AQP11: variants seen among roughly 807,000 people sequenced by gnomAD.
AQP11 encodes the protein aquaporin 11, also known as aquaporin-11.
In AQP11, 20 loss-of-function variants were observed where a neutral mutation model predicts 21.1. The ratio of observed to expected loss-of-function variants is 0.95; its 90% CI spans 0.67 to 1.38. The LOEUF (loss-of-function observed/expected upper bound fraction) is 1.38, where lower values mean the gene tolerates loss of function less well. Among genes scored for constraint, AQP11 ranks in the 40% most tolerant of loss-of-function variants. AQP11 has a pLI of 0.00. For synonymous variants in AQP11, 167 were observed against 150.1 expected (o/e 1.11, Z -0.82); for missense variants, 339 against 340.4 (o/e 1.00, Z 0.03).
intron 1 of AQP11, among the ~76,000 whole-genome samples, chr11:77,593,570 G>A (rs1000966294): frequency 1.3e-5 from 2 of 152,080 alleles, no homozygotes; most frequent in Non-Finnish European, 2.9e-5. Context: ...CCGGGAGGCA[G>A]AGCTTGCAGT....
At chr11:77,604,723 G>A (rs1168128056) in intron 2 of AQP11, among the ~76,000 whole-genome samples, 1 of 151,996 alleles carries the variant, frequency 6.6e-6, no homozygotes, top group African/African-American at 2.4e-5. Flanking sequence ...TCACATTAAT[G>A]TTATTGTTAT....
At chr11:77,592,634 A>AT (rs1958755634) in intron 1 of AQP11, among the ~76,000 whole-genome samples, 1 of 152,194 alleles carries the variant, frequency 6.6e-6, no homozygotes, top group African/African-American at 2.4e-5. Flanking sequence ...GCCATTCCCT[A>AT]TTTTATCAGT....
In AQP11 at chr11:77,606,036, CAAAAAAAAAA is replaced by C. The variant is rs11326964; in HGVS notation, c.736+2382_736+2391del. On this transcript the variant is annotated intron_variant, in intron 2 of 2. Coordinates refer to ENST00000313578, the MANE Select transcript of AQP11 (RefSeq NM_173039.3). Reference sequence around the variant, plus strand: ...CTAGCCTGGGCGACAGAGCGAGTCTCAAAAAAAAAAAAAAAAAAAAAAAAAAAGCACAGTG... The same window carrying C: ...CTAGCCTGGGCGACAGAGCGAGTCTCAAAAAAAAAAAAAAAAAGCACAGTG... 7.5e-3 allele frequency among the ~76,000 whole-genome samples: 481 copies of C among 64,028 alleles called. 11 individuals are homozygous for C. Among genetic ancestry groups the C allele is most frequent in the Admixed American group, 0.046 (268 of 5,868 alleles). The allele number at this position is 64,028 out of a possible 152,430, so 42.0% of individuals were successfully genotyped here. A position where few individuals can be genotyped will look rare whatever the true frequency, so the allele number is the denominator to read the frequency against.
chr11:77,608,792 A>G (rs1455200600), intron 2 of AQP11, among the ~76,000 whole-genome samples: 1 of 152,254 alleles, frequency 6.6e-6, no homozygotes, highest in Non-Finnish European at 1.5e-5. Context: ...TAATGAAAAA[A>G]GAGAGACTGG....
At chr11:77,604,250 G>C (rs1465596266) in intron 2 of AQP11, among the ~76,000 whole-genome samples, 43 of 152,158 alleles carry the variant, frequency 2.8e-4, no homozygotes, top group Non-Finnish European at 1.5e-5. Flanking sequence ...TGAGTAGCTG[G>C]GATGACAGGC....
chr11:77,590,915 G>A, intron 1 of AQP11: 1 of 985,424 alleles, frequency 1.0e-6, no homozygotes, highest in Non-Finnish European at 1.2e-6. Context: ...AGAAAGGAAA[G>A]ATAACTTATT....
chr11:77,592,818 A>T (rs777048366), intron 1 of AQP11, among the ~76,000 whole-genome samples: 8 of 149,608 alleles, frequency 5.3e-5, no homozygotes, highest in Non-Finnish European at 1.2e-4. Context: ...TATAAAGGGA[A>T]CACTAGAGCA....
intron 2 of AQP11, among the ~76,000 whole-genome samples, chr11:77,604,470 G>C (rs1958832868): frequency 6.6e-6 from 1 of 152,160 alleles, no homozygotes; most frequent in Non-Finnish European, 1.5e-5. Context: ...AGCATTTATT[G>C]ATTTTGTTTA....
At chr11:77,597,346 C>T (rs535956430) in intron 1 of AQP11, among the ~76,000 whole-genome samples, 27 of 152,254 alleles carry the variant, frequency 1.8e-4, no homozygotes, top group Non-Finnish European at 1.6e-4. Context: ...CCAAGGTGGG[C>T]GGATCGCTTG....
intron 1 of AQP11, among the ~76,000 whole-genome samples, chr11:77,595,959 A>G (rs1055134126): frequency 6.6e-6 from 1 of 152,144 alleles, no homozygotes; most frequent in Non-Finnish European, 1.5e-5. Context: ...TGTCAAAAAA[A>G]AAAGAGAGAA....
chr11:77,605,742 C>A (rs1047799403), intron 2 of AQP11, among the ~76,000 whole-genome samples: 1 of 152,076 alleles, frequency 6.6e-6, no homozygotes, highest in African/African-American at 2.4e-5. Context: ...TTATTTCATC[C>A]ATTACTTGAA....
chr11:77,600,960 C>A lies in AQP11; in HGVS notation c.620-2596C>A, dbSNP rs535301231. On this transcript the variant is annotated intron_variant, in intron 1 of 2. Transcript: ENST00000313578. ...CCGGGAGGTGGAGCTTGCAGTGAGCCGAGATCATGCCACTGCACTCCAGCC... is the reference window on the plus strand; with the variant it reads ...CCGGGAGGTGGAGCTTGCAGTGAGCAGAGATCATGCCACTGCACTCCAGCC... Among the ~76,000 whole-genome samples, 351 of 150,302 alleles carry A rather than the reference C, an allele frequency of 2.3e-3. 1 individual carries two copies. The highest frequency in any genetic ancestry group is 8.4e-3 in the African/African-American group (344 of 40,784).
chr11:77,596,536 A>AT (rs1565117473), intron 1 of AQP11, among the ~76,000 whole-genome samples: 102 of 106,520 alleles, frequency 9.6e-4, no homozygotes, highest in African/African-American at 2.6e-3. Flanking sequence ...ATATATATGT[A>AT]AATATATATA....
chr11:77,606,507 A>C (rs1353194251), intron 2 of AQP11, among the ~76,000 whole-genome samples: 1 of 152,134 alleles, frequency 6.6e-6, no homozygotes, highest in Non-Finnish European at 1.5e-5. Flanking sequence ...TAATCCGAAC[A>C]TTCCCCCTAA....
intron 2 of AQP11, among the ~76,000 whole-genome samples, chr11:77,606,682 A>G (rs896777515): frequency 1.5e-4 from 23 of 152,124 alleles, no homozygotes; most frequent in African/African-American, 5.1e-4. Context: ...GGTAGCTGGG[A>G]CTACTGGCGT....
At chr11:77,607,285 T>A (rs1049280526) in intron 2 of AQP11, among the ~76,000 whole-genome samples, 3 of 151,996 alleles carry the variant, frequency 2.0e-5, no homozygotes, top group African/African-American at 7.3e-5. Flanking sequence ...AAATAAATTA[T>A]AAATTAAAAG....
intron 2 of AQP11, among the ~76,000 whole-genome samples, chr11:77,605,466 G>A (rs943602853): frequency 6.6e-6 from 1 of 152,146 alleles, no homozygotes; most frequent in African/African-American, 2.4e-5. Flanking sequence ...CCGCACAGCA[G>A]GAGGTGAGTG....
At chr11:77,603,515 G>GAT in intron 1 of AQP11, 41 bp from the exon 2 acceptor site, 1 of 1,368,436 alleles carries the variant, frequency 7.3e-7, no homozygotes, top group Non-Finnish European at 1.0e-6. Flanking sequence ...GGAAATGGAA[G>GAT]ATAAATCATT....
At position 77,590,497 on chromosome 11, in the gene AQP11, A is replaced by C. The variant is rs775810795; in HGVS notation, c.505A>C (p.Thr169Pro). The C allele has an allele frequency of 2.0e-5, 32 of 1,614,092 alleles. No homozygotes were observed. The South Asian group carries it at 2.7e-4, about 14-fold the overall frequency. ...AGTCGACTTGCTCAAAGCGGTCATC[A>C]CAGAGGCCGTCTGCTCCTTTCTCTT... ...IRVDLLKAVI[T>P]EAVCSFLFHS... is the part of the protein sequence containing the mutation. The change falls in exon 1 of 3, where the codon ACA becomes CCA. Residue 169 changes from threonine (T) to proline (P), a missense_variant. Transcript: ENST00000313578.
Sources: allele counts gnomAD v4.1 joint callset (sites outside exome capture counted in the v4.1 genomes callset), GRCh38; gene constraint gnomAD v4.1.1; transcripts MANE v1.5; gene names NCBI Gene and HGNC (gene_info 2026-07-23, HGNC 2026-07-21).